The following ABCC3 variants were observed in gnomAD, a reference collection of about 807,000 sequenced individuals.
ABCC3 encodes ATP binding cassette subfamily C member 3.
In ABCC3, 121 loss-of-function variants were observed where a neutral mutation model predicts 165.3. The observed-to-expected ratio is 0.73, with a 90% CI of 0.63 to 0.85. The LOEUF (loss-of-function observed/expected upper bound fraction) is 0.85, where lower values mean the gene tolerates loss of function less well. ABCC3 is among the 40% of genes least tolerant of loss of function. The pLI is 0.00. For missense variants in ABCC3, 1,869 were observed against 1,964.1 expected (o/e 0.95, Z 0.92); for synonymous variants, 733 against 810.1 (o/e 0.90, Z 1.62).
intron 17 of ABCC3, 29 bp downstream of exon 17, chr17:50,669,557 G>A: frequency 6.2e-7 from 1 of 1,610,462 alleles, no homozygotes; most frequent in Non-Finnish European, 8.5e-7. Flanking sequence ...TCCCTAAGAG[G>A]CTAGGGCATA....
At chr17:50,666,199 C>T (rs964957144) in intron 11 of ABCC3, among the ~76,000 whole-genome samples, 27 of 152,160 alleles carry the variant, frequency 1.8e-4, no homozygotes, top group Admixed American at 1.3e-4. Flanking sequence ...CGGCTGGGCA[C>T]GGTGGCTCAT....
Position 50,684,805 on chromosome 17 carries a change from C to A in ABCC3, c.4210C>A (p.Leu1404Met), listed in dbSNP as rs1317237681. 1.2e-6 allele frequency: 2 copies of A among 1,614,194 alleles called. No individual in the cohort carries two copies. Among genetic ancestry groups the A allele is most frequent in the Non-Finnish European group, 1.7e-6 (2 of 1,180,034 alleles). ...TTGGTGGGCTTTGGAGCTGTCCCAC[C>A]TGCACACGTTTGTGAGCTCCCAGCC... ...DIWWALELSH[L>M]HTFVSSQPAG... is the part of the protein sequence containing the mutation. Residue 1404 changes from leucine to methionine, a missense_variant, in exon 29 of 31, where the codon CTG becomes ATG. Physicochemically the swap from Leu to Met is conservative, Grantham distance 15. Transcript: ENST00000285238.
Position 50,665,218 on chromosome 17 carries a change from T to C in ABCC3, c.1404T>C (p.Ala468=). The change falls in exon 11 of 31, where the codon GCT becomes GCC. Residue 468 remains alanine, a synonymous_variant. Transcript: ENST00000285238. ...TCTTGCTGATTCCACTCAACGGAGCTGTGGCCGTGAAGATGCGCGCCTTCC... is the reference window on the plus strand; with the variant it reads ...TCTTGCTGATTCCACTCAACGGAGCCGTGGCCGTGAAGATGCGCGCCTTCC... ...FMVLLIPLNG[A]VAVKMRAFQV... The C allele has an allele frequency of 6.2e-7, 1 of 1,610,284 alleles. No homozygotes were observed. The highest frequency in any genetic ancestry group is 2.2e-5 in the East Asian group (1 of 44,464).
intron 1 of ABCC3, among the ~76,000 whole-genome samples, chr17:50,639,694 G>A (rs2054209964): frequency 6.6e-6 from 1 of 152,104 alleles, no homozygotes; most frequent in African/African-American, 2.4e-5. Context: ...GCGGTGCAGT[G>A]GTTGGGGCTG....
chr17:50,689,278 G>T lies in ABCC3; in HGVS notation c.4475+1548G>T, dbSNP rs147806183. On this transcript the variant is annotated intron_variant, in intron 30 of 30. Coordinates refer to ENST00000285238, the MANE Select transcript of ABCC3 (RefSeq NM_003786.4). Reference sequence around the variant, plus strand: ...CCCAGCCCCTTGCTCTAATTCTTGCGCTAGGCCCTCCAAGGATGAGGGGAG... The same window carrying T: ...CCCAGCCCCTTGCTCTAATTCTTGCTCTAGGCCCTCCAAGGATGAGGGGAG... Among the ~76,000 whole-genome samples, 376 of 152,346 alleles carry T rather than the reference G, an allele frequency of 2.5e-3. 1 individual carries two copies. The highest frequency in any genetic ancestry group is 4.2e-3 in the Non-Finnish European group (286 of 68,026).
intron 1 of ABCC3, among the ~76,000 whole-genome samples, chr17:50,647,639 T>C (rs1477857152): frequency 6.6e-6 from 1 of 152,198 alleles, no homozygotes; most frequent in Non-Finnish European, 1.5e-5. Flanking sequence ...CAAGGAATGC[T>C]TGCCAAGAAA....
intron 1 of ABCC3, among the ~76,000 whole-genome samples, chr17:50,644,353 G>A (rs977540656): frequency 6.7e-6 from 1 of 150,314 alleles, no homozygotes; most frequent in Non-Finnish European, 1.5e-5. Flanking sequence ...AAGGCAGGCT[G>A]GGGAGGTTGG....
At chr17:50,688,500 T>A (rs1968063533) in intron 30 of ABCC3, 2 of 152,420 alleles carry the variant, frequency 1.3e-5, no homozygotes, top group South Asian at 4.1e-4. Flanking sequence ...GAGAGCACTG[T>A]GTCTGGAGTC....
At chr17:50,684,226 G>T in intron 28 of ABCC3, 119 bp downstream of exon 28, 1 of 1,346,996 alleles carries the variant, frequency 7.4e-7, no homozygotes, top group South Asian at 1.4e-5. Flanking sequence ...GGCAGGTGGG[G>T]AGGGACAGAC....
intron 29 of ABCC3, among the ~76,000 whole-genome samples, chr17:50,685,595 T>C (rs1222951740): frequency 6.6e-6 from 1 of 152,222 alleles, no homozygotes; most frequent in Non-Finnish European, 1.5e-5. Context: ...TTGATATAAG[T>C]ATTAGAAATA....
intron 1 of ABCC3, among the ~76,000 whole-genome samples, chr17:50,642,105 A>G (rs1239052735): frequency 6.6e-6 from 1 of 152,134 alleles, no homozygotes; most frequent in African/African-American, 2.4e-5. Context: ...GATGTGAGAG[A>G]AAGAGAAGAA....
chr17:50,635,927 C>A (rs766208009), intron 1 of ABCC3: 7 of 232,202 alleles, frequency 3.0e-5, no homozygotes, highest in Non-Finnish European at 5.2e-5. Context: ...CCTTTGGTGA[C>A]TCTCACTCCA....
At chr17:50,647,808 C>T (rs754090305) in intron 1 of ABCC3, among the ~76,000 whole-genome samples, 1 of 152,148 alleles carries the variant, frequency 6.6e-6, no homozygotes, top group Non-Finnish European at 1.5e-5. Context: ...GAGGCCAAGG[C>T]GGGTGGATGA....
intron 11 of ABCC3, 86 bp downstream of exon 11, chr17:50,665,331 C>A: frequency 2.5e-6 from 3 of 1,214,404 alleles, no homozygotes; most frequent in South Asian, 1.2e-5. Flanking sequence ...TGGGGCCTCC[C>A]AACTACCTTG....
At position 50,659,449 on chromosome 17, in the gene ABCC3, G is replaced by A. The variant is rs1967331413; in HGVS notation, c.806+81G>A. ...GCAGAGGACGCTGGTAGACCTTGGAGGGCGGCATTGCTGGGGTGGCAAGCA... is the reference window on the plus strand; with the variant it reads ...GCAGAGGACGCTGGTAGACCTTGGAAGGCGGCATTGCTGGGGTGGCAAGCA... On this transcript the variant is annotated intron_variant, in intron 7 of 30. Transcript: ENST00000285238. 2.7e-6 allele frequency: 4 copies of A among 1,495,126 alleles called. No individual in the cohort carries two copies. The Admixed American group carries it at 5.9e-5, about 22-fold the overall frequency. 92.6% of individuals were successfully genotyped at this position (1,495,126 alleles called of 1,614,324 possible). A position where few individuals can be genotyped will look rare whatever the true frequency, so the allele number is the denominator to read the frequency against.
rs1198269586 is a variant in ABCC3, at chr17:50,673,080, A to G, written c.2351A>G (p.His784Arg). The G allele has an allele frequency of 6.2e-7, 1 of 1,613,864 alleles. No individual in the cohort carries two copies. Among genetic ancestry groups the G allele is most frequent in the African/African-American group, 1.3e-5 (1 of 74,866 alleles). ...GACCCACTGTCCGCGGTGGACTCTC[A>G]TGTGGCCAAGCACATCTTTGACCAC... ...LDDPLSAVDS[H>R]VAKHIFDHVI... is the part of the protein sequence containing the mutation. Residue 784 changes from histidine (H) to arginine (R), a missense_variant, in exon 18 of 31, where the codon CAT becomes CGT. By Grantham distance (29) the His-to-Arg change is conservative. Coordinates refer to ENST00000285238, the MANE Select transcript of ABCC3 (RefSeq NM_003786.4).
At position 50,667,943 on chromosome 17, in the gene ABCC3, G is replaced by A; in HGVS notation, c.1716G>A (p.Val572=). 6.2e-7 allele frequency: 1 copy of A among 1,614,208 alleles called. No individual in the cohort carries two copies. The highest frequency in any genetic ancestry group is 8.5e-7 in the Non-Finnish European group (1 of 1,180,038). The change falls in exon 13 of 31, where the codon GTG becomes GTA. Residue 572 remains valine, a synonymous_variant. Coordinates refer to ENST00000285238, the MANE Select transcript of ABCC3 (RefSeq NM_003786.4). ...ACGCCGAGAAGGCCTTTGTGTCTGT[G>A]TCCTTGTTTAATATCTTAAGACTTC... ...VLDAEKAFVS[V]SLFNILRLPL... is the part of the protein sequence containing the mutation.
chr17:50,664,143 C>T, intron 10 of ABCC3, 32 bp downstream of exon 10: 1 of 1,611,516 alleles, frequency 6.2e-7, no homozygotes, highest in African/African-American at 1.3e-5. Flanking sequence ...CTGCCTCCTT[C>T]CTCTGACATG....
At chr17:50,637,067 C>T (rs1019598390) in intron 1 of ABCC3, among the ~76,000 whole-genome samples, 6 of 152,184 alleles carry the variant, frequency 3.9e-5, no homozygotes, top group African/African-American at 1.4e-4. Flanking sequence ...CTATACACAC[C>T]TCCTCTGAGG....
Sources: gnomAD v4.1 joint callset for allele counts (sites outside exome capture counted in the v4.1 genomes callset) on GRCh38, gnomAD v4.1.1 for gene constraint, MANE v1.5 for transcripts, NCBI Gene and HGNC (gene_info 2026-07-23, HGNC 2026-07-21) for gene names.